Variants in KASH5 observed in about 807,000 individuals in gnomAD.
KASH5 encodes protein KASH5.
KASH5 carries 72 observed loss-of-function variants against 84.2 expected under a neutral mutation model. The observed-to-expected ratio is 0.85, with a 90% CI of 0.71 to 1.04. The LOEUF is 1.04. KASH5 is among the 50% of genes least tolerant of loss of function. KASH5 has a pLI of 0.00. For missense variants in KASH5, 650 were observed against 701.0 expected (o/e 0.93, Z 0.82); for synonymous variants, 260 against 279.1 (o/e 0.93, Z 0.68).
chr19:49,393,470 C>T (rs74530469), intron 2 of KASH5: 4 of 152,260 alleles, frequency 2.6e-5, no homozygotes, highest in African/African-American at 7.2e-5. Flanking sequence ...GGATCTACCC[C>T]GTCCTGCAGC....
chr19:49,407,216 A>G lies in KASH5; in HGVS notation c.877-24A>G, dbSNP rs111577017. ...AGGGGAGTCCTGGGAGGCTGGATGG[A>G]TGGACCGGCTCCTTTCTTGGCAGCG... On this transcript the variant is annotated intron_variant, in intron 10 of 19. Transcript: ENST00000447857. 13,640 of 1,612,222 alleles carry G rather than the reference A, an allele frequency of 8.5e-3. 76 individuals carry two copies. The highest frequency in any genetic ancestry group is 0.01 in the Non-Finnish European group (12,054 of 1,178,500).
At chr19:49,388,892 A>G (rs955704123) in intron 1 of KASH5, among the ~76,000 whole-genome samples, 21 of 152,064 alleles carry the variant, frequency 1.4e-4, no homozygotes, top group Non-Finnish European at 2.5e-4. Context: ...CTCGTGTCAG[A>G]GATCCCCAGA....
chr19:49,391,782 G>A (rs1974013453), intron 2 of KASH5: 1 of 152,220 alleles, frequency 6.6e-6, no homozygotes, highest in Admixed American at 6.6e-5. Flanking sequence ...ACGGACGGAT[G>A]TAGGTTGAAC....
intron 15 of KASH5, among the ~76,000 whole-genome samples, chr19:49,411,927 GGAAGGAAGGAA>G (rs1974725801): frequency 5.4e-5 from 2 of 37,266 alleles, no homozygotes; most frequent in East Asian, 1.1e-3. Flanking sequence ...AGGGAAGGAA[GGAAGGAAGGAA>G]GGAAGGAAGG....
intron 9 of KASH5, among the ~76,000 whole-genome samples, chr19:49,403,532 C>G (rs538916431): frequency 8.7e-4 from 133 of 152,252 alleles, no homozygotes; most frequent in African/African-American, 3.0e-3. Flanking sequence ...AATATGTGAC[C>G]TTTTTCAGCC....
chr19:49,393,963 C>A (rs2146847108), intron 2 of KASH5, among the ~76,000 whole-genome samples: 1 of 152,302 alleles, frequency 6.6e-6, no homozygotes, highest in East Asian at 1.9e-4. Context: ...CCAATGATGC[C>A]ACCCTTGCCT....
intron 1 of KASH5, 30 bp from the exon 2 acceptor site, chr19:49,390,759 G>T: frequency 9.1e-7 from 1 of 1,098,630 alleles, no homozygotes; most frequent in Admixed American, 3.3e-5. Context: ...TGGCTGCTCT[G>T]AGGACACCAT....
At chr19:49,394,920 G>A (rs979926536) in intron 3 of KASH5, 186 bp from the exon 4 acceptor site, 2 of 593,792 alleles carry the variant, frequency 3.4e-6, no homozygotes, top group Admixed American at 3.1e-5. Flanking sequence ...GGATGACTGG[G>A]CCCCATTTCC....
intron 12 of KASH5, 21 bp from the exon 13 acceptor site, chr19:49,408,946 T>C: frequency 6.4e-7 from 1 of 1,565,668 alleles, no homozygotes; most frequent in Non-Finnish European, 8.7e-7. Context: ...CCAAATGTGC[T>C]CCCCACTTCC....
rs562259101 is a variant in KASH5, at chr19:49,407,412, A to G, written c.933+116A>G. ...CTGATCCTTGGATGTGCAGCTGGAG[A>G]GACTGGAGGGTTTCCCCAGGTCCCA... On this transcript the variant is annotated intron_variant, in intron 11 of 19. Coordinates refer to ENST00000447857, the MANE Select transcript of KASH5 (RefSeq NM_144688.5). 362 of 1,232,800 alleles carry G rather than the reference A, an allele frequency of 2.9e-4. 5 individuals are homozygous for G. The Admixed American group carries it at 7.4e-3, about 25-fold the overall frequency. 76.4% of individuals were successfully genotyped at this position (1,232,800 alleles called of 1,614,324 possible). A position where few individuals can be genotyped will look rare whatever the true frequency, so the allele number is the denominator to read the frequency against.
Position 49,390,804 on chromosome 19 carries a change from C to A in KASH5, c.-80C>A. The stretch of plus-strand genomic sequence containing the variant: ...CTCCTTCCAGGAGTGCTCGGGCCAG[C>A]TGGTCCTTTTCCCATCCCTCCCCAT... On this transcript the variant is annotated 5_prime_UTR_variant, in exon 2 of 20. The change creates a new upstream start codon in the 5' untranslated region. Transcript: ENST00000447857. 1 of 1,474,728 alleles carries A rather than the reference C, an allele frequency of 6.8e-7. No homozygotes were observed. Among genetic ancestry groups the A allele is most frequent in the Non-Finnish European group, 9.1e-7 (1 of 1,097,116 alleles). 91.4% of individuals were successfully genotyped at this position (1,474,728 alleles called of 1,614,324 possible).
At chr19:49,397,211 G>T (rs1049033494) in intron 5 of KASH5, among the ~76,000 whole-genome samples, 1 of 152,138 alleles carries the variant, frequency 6.6e-6, no homozygotes, top group Non-Finnish European at 1.5e-5. Context: ...GGCCAGAGAA[G>T]AGGCTCTGGT....
chr19:49,409,422 T>G, intron 14 of KASH5, 139 bp downstream of exon 14: 2 of 929,828 alleles, frequency 2.2e-6, no homozygotes, highest in Non-Finnish European at 3.3e-6. Flanking sequence ...AGCTTTTCTC[T>G]AACTCTCTCT....
At chr19:49,392,395 T>C (rs9304687) in intron 2 of KASH5, among the ~76,000 whole-genome samples, 1 of 151,636 alleles carries the variant, frequency 6.6e-6, no homozygotes, top group Non-Finnish European at 1.5e-5. Flanking sequence ...GACAGAGACA[T>C]AGAGGAGATA....
chr19:49,396,012 T>G (rs1446330075), intron 5 of KASH5, among the ~76,000 whole-genome samples, 179 bp downstream of exon 5: 1 of 152,116 alleles, frequency 6.6e-6, no homozygotes, highest in African/African-American at 2.4e-5. Flanking sequence ...TGGGTTTCTT[T>G]TCTTCAGAGG....
At chr19:49,393,785 C>G (rs572240570) in intron 2 of KASH5, 1 of 152,360 alleles carries the variant, frequency 6.6e-6, no homozygotes. Flanking sequence ...CTCTACCCAC[C>G]CCCCCAGTAG....
intron 9 of KASH5, among the ~76,000 whole-genome samples, chr19:49,400,366 T>C (rs1285791946): frequency 5.8e-4 from 84 of 144,468 alleles, no homozygotes; most frequent in African/African-American, 1.2e-3. Flanking sequence ...TTTTTTTTTT[T>C]TCTTTTTTTT....
At chr19:49,409,072 G>C (rs752219238) in intron 13 of KASH5, 41 bp downstream of exon 13, 25 of 1,580,088 alleles carry the variant, frequency 1.6e-5, no homozygotes, top group Non-Finnish European at 2.1e-5. Flanking sequence ...CAGGAGGGGA[G>C]CCTAAGGGCA....
chr19:49,412,541 G>A lies in KASH5; in HGVS notation c.1270-427G>A, dbSNP rs1461774290. 6.6e-6 allele frequency among the ~76,000 whole-genome samples: 1 copy of A among 152,200 alleles called. No homozygotes were observed. Among genetic ancestry groups the A allele is most frequent in the African/African-American group, 2.4e-5 (1 of 41,438 alleles). On this transcript the variant is annotated intron_variant, in intron 15 of 19. Transcript: ENST00000447857. This position sits in a 1 kb window ranked among gnomAD's most constrained non-coding sequence, Gnocchi z 4.6. ...AATATGTCTCTGGAGAAACCGAGAG[G>A]TACTTGGGTCCTGAGGGAGAGCAGA...
Sources: allele counts gnomAD v4.1 joint callset (sites outside exome capture counted in the v4.1 genomes callset), GRCh38; gene constraint gnomAD v4.1.1; non-coding constraint Gnocchi (gnomAD v3.1); transcripts MANE v1.5; gene names NCBI Gene and HGNC (gene_info 2026-07-23, HGNC 2026-07-21).